Variants in UNC5D observed in about 807,000 individuals in gnomAD.
UNC5D encodes netrin receptor UNC5D.
UNC5D carries 39 observed loss-of-function variants against 105.4 expected under a neutral mutation model. That is an observed-to-expected ratio of 0.37 (90% CI 0.29 to 0.48). The LOEUF (loss-of-function observed/expected upper bound fraction) is 0.48. UNC5D is among the 20% of genes least tolerant of loss of function. UNC5D has a pLI of 0.98. For synonymous variants in UNC5D, 452 were observed against 450.4 expected (o/e 1.00, Z -0.04); for missense variants, 991 against 1,202.4 (o/e 0.82, Z 2.60).
At chr8:35,570,509 A>AGGTGT (rs1817642742) in intron 3 of UNC5D, among the ~76,000 whole-genome samples, 1 of 152,166 alleles carries the variant, frequency 6.6e-6, no homozygotes, top group Non-Finnish European at 1.5e-5. Context: ...TTTCATTTGC[A>AGGTGT]GGTGTCTTAA....
At chr8:35,743,579 G>A (rs1829867698) in intron 11 of UNC5D, among the ~76,000 whole-genome samples, 1 of 150,192 alleles carries the variant, frequency 6.7e-6, no homozygotes, top group Non-Finnish European at 1.5e-5. Context: ...ATGCCCAGCT[G>A]CACTCACTTT....
rs867300662 is a variant in UNC5D at position 35,770,541 on chromosome 8, C to T, written c.2478+3475C>T. Among the ~76,000 whole-genome samples, 3 of 152,006 alleles carry T rather than the reference C, an allele frequency of 2.0e-5. No individual in the cohort carries two copies. In the East Asian group the frequency reaches 5.8e-4, roughly 29 times the overall value. ...ATCAGTCTTTGGAAGAAAGTTGTTC[C>T]CCTTAAATTTAACCCTATTGAATTA... On this transcript the variant is annotated intron_variant, in intron 15 of 16. Transcript: ENST00000404895.
chr8:35,539,355 C>T (rs980338005), intron 1 of UNC5D, among the ~76,000 whole-genome samples: 1 of 151,954 alleles, frequency 6.6e-6, no homozygotes, highest in African/African-American at 2.4e-5. Flanking sequence ...TATATTTTCC[C>T]TTTTACTATA....
chr8:35,649,137 T>G (rs1463658261), intron 4 of UNC5D, among the ~76,000 whole-genome samples: 1 of 152,214 alleles, frequency 6.6e-6, no homozygotes, highest in Non-Finnish European at 1.5e-5. Flanking sequence ...GACATTAGAT[T>G]TCTAGAATCG....
chr8:35,726,509 G>A lies in UNC5D; in HGVS notation c.1661G>A (p.Arg554His), dbSNP rs1464686786. 4 of 1,612,550 alleles carry A rather than the reference G, an allele frequency of 2.5e-6. No individual in the cohort carries two copies. The highest frequency in any genetic ancestry group is 2.7e-5 in the African/African-American group (2 of 74,896). ...GGTGTCTTTGGCCATTTAGGGGGGC[G>A]CTTAGTAATGCCAAATACAGGTGGG... is the stretch of plus-strand genomic sequence containing the variant. ...TTGVFGHLGG[R>H]LVMPNTGVSL... Residue 554 changes from arginine (R) to histidine (H), a missense_variant, in exon 10 of 17, where the codon CGC becomes CAC. Physicochemically the swap from Arg to His is conservative, Grantham distance 29 (BLOSUM62 0). Transcript: ENST00000404895.
intron 1 of UNC5D, among the ~76,000 whole-genome samples, chr8:35,541,598 CTG>C (rs1452197711): frequency 6.6e-6 from 1 of 152,190 alleles, no homozygotes; most frequent in African/African-American, 2.4e-5. Context: ...TTTATCCAGA[CTG>C]TGATGAGGGG....
At chr8:35,746,214 T>C (rs1276203576) in intron 11 of UNC5D, among the ~76,000 whole-genome samples, 1 of 152,192 alleles carries the variant, frequency 6.6e-6, no homozygotes, top group Non-Finnish European at 1.5e-5. Context: ...TTGGGTTATT[T>C]TCCTGCCATC....
chr8:35,339,917 G>A (rs1811338684), intron 1 of UNC5D, among the ~76,000 whole-genome samples: 1 of 152,154 alleles, frequency 6.6e-6, no homozygotes, highest in African/African-American at 2.4e-5. Context: ...CCAGGAGCCT[G>A]GGAACTTTTG....
At chr8:35,729,055 G>A (rs546499587) in intron 10 of UNC5D, among the ~76,000 whole-genome samples, 1 of 152,300 alleles carries the variant, frequency 6.6e-6, no homozygotes, top group Admixed American at 6.5e-5. Context: ...CAGGAGGAGT[G>A]GGGGAAGTAT....
intron 1 of UNC5D, among the ~76,000 whole-genome samples, chr8:35,333,839 G>A (rs1317441059): frequency 2.0e-5 from 3 of 152,066 alleles, no homozygotes; most frequent in African/African-American, 7.2e-5. Context: ...AGAATACAGG[G>A]TACTTTACTA....
intron 1 of UNC5D, among the ~76,000 whole-genome samples, chr8:35,327,698 G>A (rs765575603): frequency 1.3e-5 from 2 of 152,162 alleles, no homozygotes; most frequent in Non-Finnish European, 1.5e-5. Flanking sequence ...TCCGACCCTG[G>A]CACGGTCTGC....
chr8:35,698,024 A>G (rs1275076476), intron 7 of UNC5D, among the ~76,000 whole-genome samples: 1 of 152,074 alleles, frequency 6.6e-6, no homozygotes, highest in African/African-American at 2.4e-5. Flanking sequence ...TTAAGGAACA[A>G]CCAACCCTTG....
Position 35,745,979 on chromosome 8 carries a change from AT to A in UNC5D, c.1767-2537del, listed in dbSNP as rs541202502. On this transcript the variant is annotated intron_variant, in intron 11 of 16. Transcript: ENST00000404895. ...ATCTATGATTTCCTTAAGAAGGCTC[AT>A]TTTTTTTTTTGTCCACATCCAATTA... Among the ~76,000 whole-genome samples, 533 of 145,038 alleles carry A rather than the reference AT, an allele frequency of 3.7e-3. 4 individuals are homozygous for A. The highest frequency in any genetic ancestry group is 4.7e-3 in the Non-Finnish European group (308 of 65,508).
At chr8:35,413,459 G>A (rs1457438111) in intron 1 of UNC5D, among the ~76,000 whole-genome samples, 1 of 151,462 alleles carries the variant, frequency 6.6e-6, no homozygotes, top group African/African-American at 2.4e-5. Flanking sequence ...AGCCACCATG[G>A]GCTTTTTTTT....
intron 1 of UNC5D, among the ~76,000 whole-genome samples, chr8:35,276,572 C>T (rs1805791247): frequency 6.6e-6 from 1 of 152,142 alleles, no homozygotes; most frequent in African/African-American, 2.4e-5. Context: ...TTTGATTTGT[C>T]CATCTCTTTT....
intron 14 of UNC5D, 140 bp downstream of exon 14, chr8:35,759,609 A>C: frequency 2.1e-6 from 2 of 970,762 alleles, no homozygotes; most frequent in Non-Finnish European, 3.1e-6. Context: ...GAAATGTAAC[A>C]GTTTGGACTA....
intron 1 of UNC5D, among the ~76,000 whole-genome samples, chr8:35,494,888 A>C (rs1811447455): frequency 6.6e-6 from 1 of 152,154 alleles, no homozygotes; most frequent in African/African-American, 2.4e-5. Context: ...TTTCATTATA[A>C]GAGTCTCTAA....
At chr8:35,615,205 C>A (rs1820962711) in intron 4 of UNC5D, among the ~76,000 whole-genome samples, 1 of 152,172 alleles carries the variant, frequency 6.6e-6, no homozygotes, top group African/African-American at 2.4e-5. Context: ...GTCCACTGCA[C>A]TCCAGCGTGG....
intron 7 of UNC5D, among the ~76,000 whole-genome samples, chr8:35,692,204 C>T (rs1358168671): frequency 1.3e-5 from 2 of 152,186 alleles, no homozygotes; most frequent in Non-Finnish European, 2.9e-5. Context: ...AAGATGTCTA[C>T]ACAATAGCAG....
Sources: allele counts gnomAD v4.1 joint callset (sites outside exome capture counted in the v4.1 genomes callset), GRCh38; gene constraint gnomAD v4.1.1; transcripts MANE v1.5; gene names NCBI Gene and HGNC (gene_info 2026-07-23, HGNC 2026-07-21).